COL23A1: variants seen among roughly 807,000 people sequenced by gnomAD.
The protein encoded by COL23A1 is collagen alpha-1(XXIII) chain.
In COL23A1, 97 loss-of-function variants were observed where a neutral mutation model predicts 99.3. The observed-to-expected ratio is 0.98, with a 90% CI of 0.83 to 1.16. The LOEUF is 1.16. Among genes scored for constraint, COL23A1 ranks in the 50% most tolerant of loss-of-function variants. The pLI is 0.00. For missense variants in COL23A1, 762 were observed against 757.4 expected, an observed-to-expected ratio of 1.01 and a Z score of -0.07; for synonymous variants, 320 against 308.2, an observed-to-expected ratio of 1.04 and a Z score of -0.40.
intron 2 of COL23A1, among the ~76,000 whole-genome samples, chr5:178,360,514 C>T (rs7729589): frequency 0.21 from 31,583 of 152,016 alleles, 3,567 homozygotes; most frequent in South Asian, 0.28. Flanking sequence ...GGGGCCTGCC[C>T]GGCAAAGAGC....
At chr5:178,354,119 A>G (rs1216925497) in intron 2 of COL23A1, among the ~76,000 whole-genome samples, 1 of 151,860 alleles carries the variant, frequency 6.6e-6, no homozygotes, top group African/African-American at 2.4e-5. Flanking sequence ...CCCACTGGAT[A>G]CTGTTTTATA....
intron 4 of COL23A1, among the ~76,000 whole-genome samples, chr5:178,288,984 C>CA (rs1028592730): frequency 2.8e-4 from 43 of 151,824 alleles, no homozygotes; most frequent in Admixed American, 6.6e-4. Context: ...AAAAAAGAAA[C>CA]AAAAAAAACA....
intron 2 of COL23A1, among the ~76,000 whole-genome samples, chr5:178,410,156 A>T (rs1003547273): frequency 6.6e-6 from 1 of 152,262 alleles, no homozygotes; most frequent in Non-Finnish European, 1.5e-5. Context: ...TGAAAACAGA[A>T]GTTATTAGAA....
At position 178,530,150 on chromosome 5, in the gene COL23A1, G is replaced by C. The variant is rs1049083679; in HGVS notation, c.361+30532C>G. 4.6e-5 allele frequency among the ~76,000 whole-genome samples: 7 copies of C among 152,292 alleles called. No individual in the cohort carries two copies. In the South Asian group the frequency reaches 1.2e-3, roughly 27 times the overall value. On this transcript the variant is annotated intron_variant, in intron 2 of 28. Coordinates refer to ENST00000390654, the MANE Select transcript of COL23A1 (RefSeq NM_173465.4). ...TTTTAAGCAGGTCCACACATCTTTTGAGATTCTTCCCATCAAAAGGCAGAG... is the reference window on the plus strand; with the variant it reads ...TTTTAAGCAGGTCCACACATCTTTTCAGATTCTTCCCATCAAAAGGCAGAG...
chr5:178,390,535 G>A (rs190949821), intron 2 of COL23A1, among the ~76,000 whole-genome samples: 1 of 152,370 alleles, frequency 6.6e-6, no homozygotes, highest in East Asian at 1.9e-4. Context: ...GGCAGAGACA[G>A]CACAATAGAG....
intron 2 of COL23A1, among the ~76,000 whole-genome samples, chr5:178,360,385 C>T (rs1043029315): frequency 8.5e-5 from 13 of 152,188 alleles, no homozygotes; most frequent in African/African-American, 2.9e-4. Context: ...TTTAAAGTGG[C>T]GGCAGCCCTG....
rs1470020911 is a variant in COL23A1 at position 178,523,243 on chromosome 5, GA to G, written c.361+37438del. Among the ~76,000 whole-genome samples the G allele has an allele frequency of 8.9e-4, 83 of 93,294 alleles. 1 individual carries two copies. The highest frequency in any genetic ancestry group is 6.5e-3 in the Admixed American group (43 of 6,660). The allele number at this position is 93,294 out of a possible 152,430, so 61.2% of individuals were successfully genotyped here. ...AGAGAGAGACAGAGGGAGAGACAGA[GA>G]GAGAGAGAGAGACAGAGAGAGAGAG... On this transcript the variant is annotated intron_variant, in intron 2 of 28. Transcript: ENST00000390654.
chr5:178,455,024 C>A (rs1299543199), intron 2 of COL23A1, among the ~76,000 whole-genome samples: 1 of 152,238 alleles, frequency 6.6e-6, no homozygotes, highest in East Asian at 1.9e-4. Flanking sequence ...CTCTGCTTCT[C>A]CCCATGCACG....
chr5:178,316,308 A>C (rs1016710448), intron 2 of COL23A1, among the ~76,000 whole-genome samples: 4 of 152,222 alleles, frequency 2.6e-5, no homozygotes, highest in African/African-American at 9.6e-5. Context: ...TTCTTAATAT[A>C]ATGTAACCTG....
Position 178,313,386 on chromosome 5 carries a change from A to G in COL23A1, c.362-6467T>C, listed in dbSNP as rs1758808517. ...GTATTTTATCACAATTAAAGAAAAC[A>G]AAACAAACACCCCAGGGGTCTCAGC... On this transcript the variant is annotated intron_variant, in intron 2 of 28. Coordinates refer to ENST00000390654, the MANE Select transcript of COL23A1 (RefSeq NM_173465.4). The surrounding 1 kb of genome is among the most constrained non-coding windows in gnomAD (Gnocchi z 4.2). Among the ~76,000 whole-genome samples, 1 of 152,224 alleles carries G rather than the reference A, an allele frequency of 6.6e-6. No homozygotes were observed. The highest frequency in any genetic ancestry group is 2.1e-4 in the South Asian group (1 of 4,834).
At chr5:178,533,152 GCT>G (rs1010297765) in intron 2 of COL23A1, among the ~76,000 whole-genome samples, 2 of 152,176 alleles carry the variant, frequency 1.3e-5, no homozygotes, top group African/African-American at 4.8e-5. Flanking sequence ...GAACTAGGAA[GCT>G]CTGAGGCTGT....
At position 178,584,062 on chromosome 5, in the gene COL23A1, C is replaced by CTAG. The variant is rs1225158887; in HGVS notation, c.294+5839_294+5841dup. The stretch of plus-strand genomic sequence containing the variant: ...TTTTTTTGAGATGTACTCACCCAGG[C>CTAG]TAGAGTACAGTGCCATGATCTTGGC... On this transcript the variant is annotated intron_variant, in intron 1 of 28. Transcript: ENST00000390654. Among the ~76,000 whole-genome samples the CTAG allele has an allele frequency of 5.9e-5, 9 of 152,274 alleles. No homozygotes were observed. The East Asian group carries it at 1.5e-3, about 26-fold the overall frequency.
intron 8 of COL23A1, among the ~76,000 whole-genome samples, chr5:178,266,990 T>C (rs1048313853): frequency 2.0e-5 from 3 of 152,194 alleles, no homozygotes; most frequent in Admixed American, 6.5e-5. Context: ...GAGCCTTCCC[T>C]CTTTTTGGGG....
intron 2 of COL23A1, among the ~76,000 whole-genome samples, chr5:178,320,037 T>TGCC (rs1759203792): frequency 6.6e-6 from 1 of 152,230 alleles, no homozygotes; most frequent in Non-Finnish European, 1.5e-5. Flanking sequence ...GCTGAATGCT[T>TGCC]GCCGCCTCCT....
At chr5:178,423,791 T>C (rs868558267) in intron 2 of COL23A1, among the ~76,000 whole-genome samples, 6 of 152,142 alleles carry the variant, frequency 3.9e-5, no homozygotes, top group Admixed American at 1.3e-4. Context: ...GACCTAGAGC[T>C]GGGAGCACTG....
At chr5:178,383,870 G>T (rs1445762464) in intron 2 of COL23A1, among the ~76,000 whole-genome samples, 1 of 139,034 alleles carries the variant, frequency 7.2e-6, no homozygotes, top group Non-Finnish European at 1.5e-5. Flanking sequence ...CAAACCTTAC[G>T]ACAGAAATAG....
At chr5:178,551,840 A>G (rs892195745) in intron 2 of COL23A1, among the ~76,000 whole-genome samples, 3 of 152,094 alleles carry the variant, frequency 2.0e-5, no homozygotes, top group African/African-American at 7.3e-5. Flanking sequence ...TCTTAAAGCT[A>G]AATTCCACTC....
chr5:178,437,887 G>A (rs956403929), intron 2 of COL23A1, among the ~76,000 whole-genome samples: 12 of 152,350 alleles, frequency 7.9e-5, no homozygotes, highest in Middle Eastern at 3.4e-3. Context: ...GAGGTGGGAT[G>A]TGGGGTCAGC....
rs145444157 is a variant in COL23A1, at chr5:178,261,735, G to T, written c.689C>A (p.Pro230His). The T allele has an allele frequency of 2.1e-5, 34 of 1,609,452 alleles. No individual in the cohort carries two copies. Among genetic ancestry groups the T allele is most frequent in the Middle Eastern group, 1.7e-4 (1 of 6,056 alleles). ...GQDGEMGPKG[P>H]PGPKGEPGVP... Reference sequence around the variant, plus strand: ...AGGAGTACTCACCTTGGGCCCTGGGGGTCCCTTTGGGCCCTGGAACAAGAG... The same window carrying T: ...AGGAGTACTCACCTTGGGCCCTGGGTGTCCCTTTGGGCCCTGGAACAAGAG... The change falls in exon 11 of 29, where the codon CCC becomes CAC. Residue 230 changes from proline (P) to histidine (H), a missense_variant. Transcript: ENST00000390654.
Sources: allele counts gnomAD v4.1 joint callset (sites outside exome capture counted in the v4.1 genomes callset), GRCh38; gene constraint gnomAD v4.1.1; non-coding constraint Gnocchi (gnomAD v3.1); transcripts MANE v1.5; gene names NCBI Gene and HGNC (gene_info 2026-07-23, HGNC 2026-07-21).